STAM: variants seen among roughly 807,000 people sequenced by gnomAD.
STAM encodes signal transducing adapter molecule 1.
A neutral mutation model predicts 63.4 loss-of-function variants in STAM; 16 were observed. The ratio of observed to expected loss-of-function variants is 0.25; its 90% confidence interval spans 0.17 to 0.38. STAM has a LOEUF of 0.38. STAM is among the 10% of genes least tolerant of loss of function. The pLI is 1.00. For synonymous variants in STAM, 238 were observed against 223.9 expected, an observed-to-expected ratio of 1.06 and a Z score of -0.56; for missense variants, 636 against 657.1, an observed-to-expected ratio of 0.97 and a Z score of 0.35.
chr10:17,691,259 C>T (rs1055096004), intron 5 of STAM, among the ~76,000 whole-genome samples: 1 of 152,178 alleles, frequency 6.6e-6, no homozygotes, highest in Non-Finnish European at 1.5e-5. Context: ...TGGCTCACGC[C>T]TGTAATCCTA....
At chr10:17,694,961 A>G (rs781831522) in intron 6 of STAM, 88 bp from the exon 7 acceptor site, 66 of 1,260,998 alleles carry the variant, frequency 5.2e-5, no homozygotes, top group Non-Finnish European at 7.2e-5. Context: ...TGAAGGAAGA[A>G]TACCTTTTAT....
chr10:17,697,804 G>A (rs2253965), intron 8 of STAM, among the ~76,000 whole-genome samples: 117,273 of 151,980 alleles, frequency 0.77, 45,763 homozygotes, highest in East Asian at 0.95. Context: ...GAGCTTATAT[G>A]TATAGGTTGA....
intron 1 of STAM, among the ~76,000 whole-genome samples, chr10:17,648,499 C>G (rs1263506039): frequency 6.6e-6 from 1 of 152,204 alleles, no homozygotes; most frequent in Non-Finnish European, 1.5e-5. Flanking sequence ...CACAATAAAT[C>G]TTGGTGCTGC....
intron 2 of STAM, among the ~76,000 whole-genome samples, chr10:17,681,196 T>A (rs1340131986): frequency 7.7e-6 from 1 of 130,232 alleles, no homozygotes; most frequent in Admixed American, 8.6e-5. Flanking sequence ...ATTGAGATCG[T>A]CTTTTTTTTT....
At chr10:17,654,434 G>C (rs1554821902) in intron 1 of STAM, among the ~76,000 whole-genome samples, 1 of 152,048 alleles carries the variant, frequency 6.6e-6, no homozygotes, top group Non-Finnish European at 1.5e-5. Flanking sequence ...GTGTTAGCCA[G>C]GATGGTCTCT....
At chr10:17,668,376 A>C (rs1267867696) in intron 2 of STAM, among the ~76,000 whole-genome samples, 1 of 152,228 alleles carries the variant, frequency 6.6e-6, no homozygotes, top group Non-Finnish European at 1.5e-5. Flanking sequence ...AATTTCCCCA[A>C]TTATTCACAT....
In STAM at chr10:17,691,044, AC is replaced by A. The variant is rs782065007; in HGVS notation, c.445-2177del. ...AATTGTGAAGTTTGCCAAATTGTGA[AC>A]AAAAATTTATGTAAACCGTAAAACT... On this transcript the variant is annotated intron_variant, in intron 5 of 13. Transcript: ENST00000377524. Among the ~76,000 whole-genome samples, 12 of 152,346 alleles carry A rather than the reference AC, an allele frequency of 7.9e-5. No homozygotes were observed. In the East Asian group the frequency reaches 9.6e-4, roughly 12 times the overall value.
At chr10:17,695,572 C>A in intron 7 of STAM, 1 of 180,390 alleles carries the variant, frequency 5.5e-6, no homozygotes. Context: ...GTACTTAATG[C>A]AATTTGTAAG....
rs781982423 is a variant in STAM, at chr10:17,705,635, T to C, written c.1103T>C (p.Leu368Pro). 6.2e-7 allele frequency: 1 copy of C among 1,613,836 alleles called. No individual in the cohort carries two copies. The highest frequency in any genetic ancestry group is 8.5e-7 in the Non-Finnish European group (1 of 1,179,928). Residue 368 changes from leucine (L) to proline (P), a missense_variant, in exon 12 of 14, where the codon CTT becomes CCT. Physicochemically the swap from Leu to Pro is moderately conservative, Grantham distance 98. This residue lies in a region of STAM where 532 missense variants were observed against 536.9 expected (regional missense o/e 0.99). Transcript: ENST00000377524. Reference sequence around the variant, plus strand: ...CTTAATGTGAAAGTGATGGAGGCCCTTTCCTTATATACCAAGTTAATGAAC... The same window carrying C: ...CTTAATGTGAAAGTGATGGAGGCCCCTTCCTTATATACCAAGTTAATGAAC... ...SELNVKVMEA[L>P]SLYTKLMNED...
intron 9 of STAM, among the ~76,000 whole-genome samples, chr10:17,702,773 G>A (rs543005201): frequency 6.6e-6 from 1 of 152,240 alleles, no homozygotes; most frequent in African/African-American, 2.4e-5. Context: ...ACTTCGGGAG[G>A]CCGAGGCGGG....
In STAM at chr10:17,708,996, C is replaced by T. The variant is rs782228400; in HGVS notation, c.1385+45C>T. On this transcript the variant is annotated intron_variant, in intron 13 of 13. Transcript: ENST00000377524. ...TTGTTTGGAGTTAGTGCTGTTACAG[C>T]TGTTTAAGTGCCCCCAGTTATCTAT... 1.6e-5 allele frequency: 26 copies of T among 1,581,648 alleles called. No individual in the cohort carries two copies. In the Admixed American group the frequency reaches 4.3e-4, roughly 26 times the overall value.
intron 8 of STAM, among the ~76,000 whole-genome samples, chr10:17,698,620 G>A (rs1336079375): frequency 1.3e-5 from 2 of 151,980 alleles, no homozygotes; most frequent in Non-Finnish European, 2.9e-5. Context: ...GGAAATAGAA[G>A]TCTATTTCAC....
At chr10:17,677,950 C>T (rs1229892182) in intron 2 of STAM, among the ~76,000 whole-genome samples, 3 of 149,256 alleles carry the variant, frequency 2.0e-5, no homozygotes, top group African/African-American at 7.5e-5. Context: ...TCAAATTGCC[C>T]GATAAAAGTT....
At chr10:17,705,171 A>T (rs1554829081) in intron 11 of STAM, 147 bp downstream of exon 11, 1 of 664,878 alleles carries the variant, frequency 1.5e-6, no homozygotes, top group Non-Finnish European at 2.5e-6. Flanking sequence ...GATGTGGAGA[A>T]TTAGACTCAT....
intron 1 of STAM, among the ~76,000 whole-genome samples, chr10:17,648,746 T>C (rs1554821209): frequency 6.6e-6 from 1 of 152,242 alleles, no homozygotes; most frequent in Non-Finnish European, 1.5e-5. Context: ...CTACAATCAG[T>C]TCTCATTTAC....
intron 1 of STAM, among the ~76,000 whole-genome samples, chr10:17,655,201 T>C (rs141228141): frequency 0.013 from 2,019 of 152,314 alleles, 35 homozygotes; most frequent in Non-Finnish European, 0.018. Flanking sequence ...TTTCTTAGAT[T>C]GTAAGCTACT....
chr10:17,703,481 C>G (rs147842865), intron 9 of STAM, among the ~76,000 whole-genome samples: 3,831 of 151,990 alleles, frequency 0.025, 76 homozygotes, highest in Non-Finnish European at 0.04. Context: ...CCCTGCGTAC[C>G]TATATATAGT....
chr10:17,708,973 G>GT, intron 13 of STAM, 22 bp downstream of exon 13: 1 of 1,609,706 alleles, frequency 6.2e-7, no homozygotes, highest in Non-Finnish European at 8.5e-7. Context: ...GTTGATTCTT[G>GT]TTTGGAGTTA....
chr10:17,676,914 A>G (rs1294931996), intron 2 of STAM, among the ~76,000 whole-genome samples: 2 of 152,046 alleles, frequency 1.3e-5, no homozygotes, highest in Non-Finnish European at 2.9e-5. Context: ...TATATATAAA[A>G]GTTCAGTATT....
Sources: gnomAD v4.1 joint callset for allele counts (sites outside exome capture counted in the v4.1 genomes callset) on GRCh38, gnomAD v4.1.1 for gene constraint, gnomAD v4.1.1 regional missense constraint, MANE v1.5 for transcripts, NCBI Gene and HGNC (gene_info 2026-07-23, HGNC 2026-07-21) for gene names.